Variants in GPHN observed in about 807,000 individuals in gnomAD.
The protein encoded by GPHN is gephyrin.
In GPHN, 17 loss-of-function variants were observed where a neutral mutation model predicts 95.5. That is an observed-to-expected ratio of 0.18 (90% confidence interval 0.12 to 0.27). The LOEUF is 0.27. Among genes scored for constraint, GPHN ranks in the 10% least tolerant of loss-of-function variants. GPHN has a pLI of 1.00. For missense variants in GPHN, 660 were observed against 978.1 expected (o/e 0.67, Z 4.34); for synonymous variants, 320 against 322.5 (o/e 0.99, Z 0.08).
chr14:67,536,989 G>T, the GPHN span, among the ~76,000 whole-genome samples: 1 of 151,232 alleles, frequency 6.6e-6, no homozygotes, highest in African/African-American at 2.5e-5. Flanking sequence ...GCAGTGAGCC[G>T]AGATTGCACC....
the GPHN span, among the ~76,000 whole-genome samples, chr14:67,309,638 C>T: frequency 6.6e-6 from 1 of 152,228 alleles, no homozygotes; most frequent in South Asian, 2.1e-4. Context: ...TTTTGTTGGC[C>T]TATGGCAATG....
chr14:67,658,726 C>T, the GPHN span, among the ~76,000 whole-genome samples: 1 of 152,256 alleles, frequency 6.6e-6, no homozygotes, highest in Non-Finnish European at 1.5e-5. Flanking sequence ...ACCTGCCTGC[C>T]TGTTTCCAGT....
intron 2 of GPHN, among the ~76,000 whole-genome samples, chr14:66,744,088 A>T (rs1018515406): frequency 6.6e-6 from 1 of 152,232 alleles, no homozygotes; most frequent in African/African-American, 2.4e-5. Context: ...AATTTTAATT[A>T]GAATAGCTAT....
chr14:66,698,452 A>G (rs1019718165), intron 2 of GPHN, among the ~76,000 whole-genome samples: 5 of 152,192 alleles, frequency 3.3e-5, no homozygotes, highest in African/African-American at 9.7e-5. Context: ...TGATGTTGTC[A>G]TACTCTTTTA....
At chr14:67,541,691 A>C in the GPHN span, 28 of 539,612 alleles carry the variant, frequency 5.2e-5, no homozygotes, top group South Asian at 7.1e-4. Context: ...CCTGGGGATC[A>C]GTGACCAATT....
the GPHN span, among the ~76,000 whole-genome samples, chr14:67,244,157 C>G: frequency 6.6e-6 from 1 of 152,168 alleles, no homozygotes; most frequent in Non-Finnish European, 1.5e-5. Context: ...CATTCCCCTA[C>G]TGAAGAATTT....
chr14:66,673,822 T>C (rs55994749), intron 1 of GPHN, among the ~76,000 whole-genome samples: 120 of 152,308 alleles, frequency 7.9e-4, no homozygotes, highest in Non-Finnish European at 1.4e-3. Context: ...CCCGAGAAAG[T>C]CTTTATTTCA....
chr14:66,651,850 T>C (rs2065058939), intron 1 of GPHN, among the ~76,000 whole-genome samples: 1 of 151,894 alleles, frequency 6.6e-6, no homozygotes, highest in Non-Finnish European at 1.5e-5. Flanking sequence ...GATGGGACCA[T>C]CTAGTTGCAG....
the GPHN span, among the ~76,000 whole-genome samples, chr14:67,422,610 T>C: frequency 6.6e-6 from 1 of 152,212 alleles, no homozygotes; most frequent in Admixed American, 6.5e-5. Flanking sequence ...TGATCAGCAG[T>C]ACTGTAATTT....
At chr14:66,571,399 A>G (rs1369560533) in intron 1 of GPHN, among the ~76,000 whole-genome samples, 1 of 152,162 alleles carries the variant, frequency 6.6e-6, no homozygotes, top group Non-Finnish European at 1.5e-5. Flanking sequence ...CCAAACCATT[A>G]TCATATGGTT....
the GPHN span, chr14:67,674,378 TC>T: frequency 6.3e-7 from 1 of 1,592,254 alleles, no homozygotes; most frequent in Middle Eastern, 2.3e-4. Flanking sequence ...GCCTCACCGG[TC>T]CCCGCCGTCC....
chr14:67,266,876 G>A, the GPHN span, among the ~76,000 whole-genome samples: 3 of 152,130 alleles, frequency 2.0e-5, no homozygotes, highest in South Asian at 2.1e-4. Flanking sequence ...TTGGGAGGCC[G>A]AGGTGGACAG....
At chr14:67,573,681 C>A in the GPHN span, 1 of 748,706 alleles carries the variant, frequency 1.3e-6, no homozygotes, top group Non-Finnish European at 2.4e-6. The surrounding 1 kb of genome is among the most constrained non-coding windows in gnomAD (Gnocchi z 4.8). Flanking sequence ...ATAACACAGC[C>A]AGAATGCTGG....
the GPHN span, chr14:67,648,153 A>G: frequency 6.2e-7 from 1 of 1,614,060 alleles, no homozygotes. Flanking sequence ...TCGAGAAGGC[A>G]TGTATATTGC....
the GPHN span, chr14:67,472,967 T>G: frequency 5.6e-6 from 1 of 177,718 alleles, no homozygotes; most frequent in Non-Finnish European, 1.2e-5. Flanking sequence ...CCTGGGGAGG[T>G]ATTGGTTGCA....
chr14:66,593,756 A>T (rs529572847), intron 1 of GPHN, among the ~76,000 whole-genome samples: 4 of 152,330 alleles, frequency 2.6e-5, no homozygotes, highest in African/African-American at 9.6e-5. Flanking sequence ...TTTTCCTAAG[A>T]TGAGGAACAA....
chr14:66,748,532 A>G (rs1397991163), intron 2 of GPHN, among the ~76,000 whole-genome samples: 1 of 151,886 alleles, frequency 6.6e-6, no homozygotes, highest in Non-Finnish European at 1.5e-5. Flanking sequence ...TATCATTATT[A>G]CCCGATCCAT....
the GPHN span, among the ~76,000 whole-genome samples, chr14:67,469,669 G>A: frequency 6.6e-6 from 1 of 151,638 alleles, no homozygotes; most frequent in Admixed American, 6.6e-5. Context: ...TGGTGGTGGT[G>A]GTGGGAGGAC....
the GPHN span, chr14:67,200,560 AT>A: frequency 4.3e-6 from 1 of 234,712 alleles, no homozygotes; most frequent in Non-Finnish European, 8.0e-6. Flanking sequence ...TTAAAAAAAA[AT>A]GTAAGGAGAC....
Sources: allele counts gnomAD v4.1 joint callset (sites outside exome capture counted in the v4.1 genomes callset), GRCh38; gene constraint gnomAD v4.1.1; non-coding constraint Gnocchi (gnomAD v3.1); transcripts MANE v1.5; gene names NCBI Gene and HGNC (gene_info 2026-07-23, HGNC 2026-07-21).